ADAMTSL1: variants seen among roughly 807,000 people sequenced by gnomAD.
ADAMTSL1 encodes the protein ADAMTS-like protein 1.
ADAMTSL1 carries 126 observed loss-of-function variants against 201.8 expected under a neutral mutation model. The observed-to-expected ratio is 0.62, with a 90% CI of 0.54 to 0.72. The LOEUF (loss-of-function observed/expected upper bound fraction) is 0.72. Among genes scored for constraint, ADAMTSL1 ranks in the 30% least tolerant of loss-of-function variants. The pLI is 0.00. For missense variants in ADAMTSL1, 2,679 were observed against 2,277.8 expected (o/e 1.18, Z -3.59); for synonymous variants, 1,121 against 903.4 (o/e 1.24, Z -4.32).
rs118129627 is a variant in ADAMTSL1 at position 18,799,584 on chromosome 9, G to C, written c.3805+4060G>C. Among the ~76,000 whole-genome samples the C allele has an allele frequency of 5.5e-3, 844 of 152,290 alleles. 7 individuals carry two copies. The highest frequency in any genetic ancestry group is 0.04 in the South Asian group (195 of 4,818). On this transcript the variant is annotated intron_variant, in intron 20 of 28. Coordinates refer to ENST00000380548, the MANE Select transcript of ADAMTSL1 (RefSeq NM_001040272.6). ...TTATTGATTTTATAAGATCACAAAAGAGATACTGTAAGGCCTGCCTGACAT... is the reference window on the plus strand; with the variant it reads ...TTATTGATTTTATAAGATCACAAAACAGATACTGTAAGGCCTGCCTGACAT...
At chr9:17,922,112 T>C (rs909824693) in intron 1 of ADAMTSL1, among the ~76,000 whole-genome samples, 4 of 147,434 alleles carry the variant, frequency 2.7e-5, no homozygotes, top group Non-Finnish European at 4.5e-5. Flanking sequence ...TGGTGGAGAA[T>C]GGAGATGAGG....
At chr9:18,524,399 G>T (rs1372961665) in intron 2 of ADAMTSL1, among the ~76,000 whole-genome samples, 1 of 152,180 alleles carries the variant, frequency 6.6e-6, no homozygotes, top group African/African-American at 2.4e-5. Context: ...GGGACAATTT[G>T]ACTTCCTCTT....
intron 2 of ADAMTSL1, among the ~76,000 whole-genome samples, chr9:18,280,183 G>T (rs1259131683): frequency 6.6e-6 from 1 of 151,858 alleles, no homozygotes; most frequent in African/African-American, 2.4e-5. Flanking sequence ...CTGGTCTGGA[G>T]CCTGGTCTCC....
At chr9:18,736,660 G>A (rs1818516259) in intron 15 of ADAMTSL1, among the ~76,000 whole-genome samples, 2 of 152,310 alleles carry the variant, frequency 1.3e-5, no homozygotes, top group South Asian at 4.1e-4. Flanking sequence ...TGGTCTTACT[G>A]CAGTTGTGTG....
chr9:18,896,496 A>T (rs1260522613), intron 26 of ADAMTSL1, among the ~76,000 whole-genome samples: 1 of 152,152 alleles, frequency 6.6e-6, no homozygotes, highest in Non-Finnish European at 1.5e-5. Context: ...GAGGAATGAA[A>T]ATGGGGAGTC....
chr9:18,424,905 C>T (rs995340739), intron 2 of ADAMTSL1, among the ~76,000 whole-genome samples: 5 of 152,112 alleles, frequency 3.3e-5, no homozygotes, highest in Admixed American at 6.5e-5. Context: ...GGAGTATTTA[C>T]GTCTTTTGGT....
intron 1 of ADAMTSL1, among the ~76,000 whole-genome samples, chr9:18,099,209 G>A (rs1478907769): frequency 6.7e-6 from 1 of 149,390 alleles, no homozygotes; most frequent in Non-Finnish European, 1.5e-5. Context: ...CTGTCTTTGA[G>A]TATTCAAATA....
chr9:18,714,920 C>T lies in ADAMTSL1; in HGVS notation c.1877-6616C>T, dbSNP rs1484056474. ...CCACCATGATCAAGTGGGCTTCATC[C>T]CTGGGATGCAAGGCTGGTTCAATAT... On this transcript the variant is annotated intron_variant, in intron 14 of 28. Transcript: ENST00000380548. Among the ~76,000 whole-genome samples, 3 of 149,342 alleles carry T rather than the reference C, an allele frequency of 2.0e-5. No homozygotes were observed. The Admixed American group carries it at 2.0e-4, about 10-fold the overall frequency.
intron 1 of ADAMTSL1, among the ~76,000 whole-genome samples, chr9:17,939,282 C>T (rs1827135033): frequency 9.2e-6 from 1 of 109,018 alleles, no homozygotes; most frequent in South Asian, 3.7e-4. Flanking sequence ...TGCAAAGCCT[C>T]CCTTCATTAG....
intron 1 of ADAMTSL1, among the ~76,000 whole-genome samples, chr9:17,983,043 C>T (rs545817956): frequency 1.0e-4 from 12 of 116,682 alleles, no homozygotes; most frequent in Admixed American, 2.6e-4. Flanking sequence ...TTTTTTTTTT[C>T]ATTTTCTTTT....
chr9:18,093,087 C>A (rs1356918027), intron 1 of ADAMTSL1, among the ~76,000 whole-genome samples: 2 of 152,102 alleles, frequency 1.3e-5, no homozygotes, highest in African/African-American at 4.8e-5. Flanking sequence ...AGTTAATGGT[C>A]ATTCATAGTG....
At chr9:18,113,962 TAC>T (rs1825141663) in intron 1 of ADAMTSL1, among the ~76,000 whole-genome samples, 1 of 152,100 alleles carries the variant, frequency 6.6e-6, no homozygotes, top group Non-Finnish European at 1.5e-5. Flanking sequence ...GGGATTGCTC[TAC>T]TGAGTGAAGA....
At chr9:18,192,649 A>C (rs1411603779) in intron 2 of ADAMTSL1, among the ~76,000 whole-genome samples, 1 of 152,134 alleles carries the variant, frequency 6.6e-6, no homozygotes, top group Non-Finnish European at 1.5e-5. Context: ...TTACTGGATA[A>C]TTTTTGGATC....
chr9:18,187,686 A>T (rs1168962839), intron 2 of ADAMTSL1, among the ~76,000 whole-genome samples: 2 of 152,130 alleles, frequency 1.3e-5, no homozygotes, highest in African/African-American at 2.4e-5. Context: ...TAACAAGGAT[A>T]AAATAGTAAG....
At chr9:18,255,229 G>A (rs1052743697) in intron 2 of ADAMTSL1, among the ~76,000 whole-genome samples, 10 of 152,102 alleles carry the variant, frequency 6.6e-5, no homozygotes, top group Non-Finnish European at 1.5e-4. Flanking sequence ...ACATTCGTAG[G>A]CTGTAACTCC....
At chr9:18,056,769 C>T (rs899750292) in intron 1 of ADAMTSL1, among the ~76,000 whole-genome samples, 8 of 152,146 alleles carry the variant, frequency 5.3e-5, no homozygotes, top group Admixed American at 2.0e-4. Flanking sequence ...ATTTCCCCAG[C>T]GCATTCTCTA....
chr9:17,918,513 A>C (rs1297215204), intron 1 of ADAMTSL1, among the ~76,000 whole-genome samples: 1 of 151,858 alleles, frequency 6.6e-6, no homozygotes, highest in Non-Finnish European at 1.5e-5. Flanking sequence ...TGTCACTTGA[A>C]TCCTTTTTAA....
intron 12 of ADAMTSL1, among the ~76,000 whole-genome samples, chr9:18,683,056 CA>C (rs1462929935): frequency 1.3e-5 from 2 of 152,278 alleles, no homozygotes; most frequent in African/African-American, 2.4e-5. Flanking sequence ...TGACTATCGT[CA>C]GTGCCCTCAA....
chr9:18,168,259 A>C (rs1184357330), intron 2 of ADAMTSL1, among the ~76,000 whole-genome samples: 1 of 151,788 alleles, frequency 6.6e-6, no homozygotes, highest in Non-Finnish European at 1.5e-5. Context: ...TGCTATCCTT[A>C]TGCTATCCCT....
Sources: gnomAD v4.1 joint callset for allele counts (sites outside exome capture counted in the v4.1 genomes callset) on GRCh38, gnomAD v4.1.1 for gene constraint, MANE v1.5 for transcripts, NCBI Gene and HGNC (gene_info 2026-07-23, HGNC 2026-07-21) for gene names.